The following RANGAP1 variants were observed in gnomAD, a reference collection of about 807,000 sequenced individuals.
The protein encoded by RANGAP1 is Ran GTPase activating protein 1.
Under a neutral mutation model 63.5 loss-of-function variants are expected in RANGAP1, and 38 were observed. The observed-to-expected ratio is 0.60, with a 90% CI of 0.46 to 0.78. The LOEUF (loss-of-function observed/expected upper bound fraction) is 0.78. Among genes scored for constraint, RANGAP1 ranks in the 30% least tolerant of loss-of-function variants. The pLI is 0.00. For missense variants in RANGAP1, 630 were observed against 740.3 expected, an observed-to-expected ratio of 0.85 and a Z score of 1.73; for synonymous variants, 329 against 310.5, an observed-to-expected ratio of 1.06 and a Z score of -0.63.
intron 3 of RANGAP1, among the ~76,000 whole-genome samples, chr22:41,268,664 G>A (rs2034622465): frequency 6.6e-6 from 1 of 152,200 alleles, no homozygotes; most frequent in Non-Finnish European, 1.5e-5. Flanking sequence ...GAGTTATTGG[G>A]GGCTCACAAG....
the RANGAP1 span, among the ~76,000 whole-genome samples, chr22:41,294,785 C>G: frequency 1.6e-5 from 2 of 128,326 alleles, no homozygotes; most frequent in Admixed American, 8.0e-5. Flanking sequence ...GCAGCCGCCC[C>G]GTCTGAGAAG....
Position 41,251,001 on chromosome 22 carries a change from C to T in RANGAP1, c.1483+6G>A. 1.9e-6 allele frequency: 3 copies of T among 1,613,478 alleles called. No individual in the cohort carries two copies. The highest frequency in any genetic ancestry group is 2.5e-6 in the Non-Finnish European group (3 of 1,179,468). ...GGGCACCCAGGTCTCACCCAGCCCACATTACCTACTGCATCCTGCACTGCC... is the reference window on the plus strand; with the variant it reads ...GGGCACCCAGGTCTCACCCAGCCCATATTACCTACTGCATCCTGCACTGCC... On this transcript the variant is annotated splice_donor_region_variant and intron_variant, in intron 13 of 15. Coordinates refer to ENST00000356244, the MANE Select transcript of RANGAP1 (RefSeq NM_002883.4).
rs536937229 is a variant in RANGAP1 at position 41,267,240 on chromosome 22, C to T, written c.300+857G>A. On this transcript the variant is annotated intron_variant, in intron 4 of 15. Coordinates refer to ENST00000356244, the MANE Select transcript of RANGAP1 (RefSeq NM_002883.4). ...GCCTCACAAGCCAGGTGCAGTGGCA[C>T]GCACCTGTAATCCCAGCTACTTGGG... 8.6e-4 allele frequency among the ~76,000 whole-genome samples: 131 copies of T among 152,216 alleles called. 1 individual carries two copies. In the Middle Eastern group the frequency reaches 0.014, roughly 16 times the overall value.
chr22:41,295,401 C>G, the RANGAP1 span, among the ~76,000 whole-genome samples: 1 of 152,140 alleles, frequency 6.6e-6, no homozygotes, highest in South Asian at 2.1e-4. Flanking sequence ...GACCTTACCC[C>G]CAACCCTGTG....
chr22:41,263,834 C>G (rs1388081748), intron 5 of RANGAP1, among the ~76,000 whole-genome samples: 1 of 152,280 alleles, frequency 6.6e-6, no homozygotes, highest in Non-Finnish European at 1.5e-5. Context: ...GGAGGCCACT[C>G]CAGCTCCTCA....
chr22:41,250,431 C>T (rs927047395), intron 13 of RANGAP1, among the ~76,000 whole-genome samples: 13 of 152,208 alleles, frequency 8.5e-5, no homozygotes, highest in African/African-American at 2.4e-4. Context: ...TCTGCCTAAC[C>T]GGAACTGGCT....
At chr22:41,301,145 T>C in the RANGAP1 span, among the ~76,000 whole-genome samples, 2 of 152,098 alleles carry the variant, frequency 1.3e-5, no homozygotes, top group Non-Finnish European at 2.9e-5. Context: ...GATTCTTCTA[T>C]GTGTCTCCGG....
rs1569169348 is a variant in RANGAP1 at position 41,249,503 on chromosome 22, GC to G, written c.1573-53del. The G allele has an allele frequency of 8.9e-6, 10 of 1,121,418 alleles. No homozygotes were observed. In the South Asian group the frequency reaches 1.1e-4, roughly 12 times the overall value. The allele number at this position is 1,121,418 out of a possible 1,614,324, so 69.5% of individuals were successfully genotyped here. On this transcript the variant is annotated intron_variant, in intron 14 of 15. Transcript: ENST00000356244. ...GTGAGCTTCAAAGTCACCTGGGGGG[GC>G]CCCTGGACTCCACCATCCAGACTCT...
At chr22:41,247,968 G>A (rs1468099707) in intron 15 of RANGAP1, among the ~76,000 whole-genome samples, 1 of 152,224 alleles carries the variant, frequency 6.6e-6, no homozygotes, top group Non-Finnish European at 1.5e-5. Context: ...TGACCAACAA[G>A]GGCAAGAGGC....
At chr22:41,285,765 A>T in intron 1 of RANGAP1, 1 of 899,834 alleles carries the variant, frequency 1.1e-6, no homozygotes, top group Non-Finnish European at 1.3e-6. Flanking sequence ...TGCTCTGGCG[A>T]GTCAGACGCC....
chr22:41,289,447 C>T (rs894086054), upstream of RANGAP1, among the ~76,000 whole-genome samples: 1 of 151,738 alleles, frequency 6.6e-6, no homozygotes, highest in Admixed American at 6.6e-5. Context: ...CATGGTGAAA[C>T]CCTGTCTCTA....
intron 5 of RANGAP1, among the ~76,000 whole-genome samples, chr22:41,263,160 A>G (rs2034270164): frequency 6.6e-6 from 1 of 152,060 alleles, no homozygotes. Context: ...TCACCCCATT[A>G]CAAGTATAGG....
At chr22:41,266,387 G>C (rs930210061) in intron 4 of RANGAP1, among the ~76,000 whole-genome samples, 7 of 152,092 alleles carry the variant, frequency 4.6e-5, no homozygotes, top group African/African-American at 1.7e-4. Flanking sequence ...CATTCCTACA[G>C]AGTCAAGTAA....
chr22:41,278,944 T>C (rs981691174), intron 2 of RANGAP1, among the ~76,000 whole-genome samples: 1 of 151,702 alleles, frequency 6.6e-6, no homozygotes, highest in Non-Finnish European at 1.5e-5. Flanking sequence ...CGAGACCATC[T>C]TGGCTAACTA....
At chr22:41,296,357 AC>A in the RANGAP1 span, among the ~76,000 whole-genome samples, 1 of 152,134 alleles carries the variant, frequency 6.6e-6, no homozygotes, top group Non-Finnish European at 1.5e-5. Flanking sequence ...AAACAAACAA[AC>A]AAACAAGGCT....
chr22:41,302,316 G>A, the RANGAP1 span, among the ~76,000 whole-genome samples: 29 of 151,846 alleles, frequency 1.9e-4, no homozygotes, highest in African/African-American at 6.8e-4. The surrounding 1 kb of genome is among the most constrained non-coding windows in gnomAD (Gnocchi z 5.7). Context: ...CCTTTCGGCT[G>A]CGGCGGCCAC....
intron 1 of RANGAP1, 121 bp downstream of exon 1, chr22:41,285,865 G>A: frequency 3.6e-6 from 1 of 279,234 alleles, no homozygotes; most frequent in Non-Finnish European, 5.4e-6. Flanking sequence ...CTCGGCCGTC[G>A]AAGGCTAAGT....
In RANGAP1 at chr22:41,246,197, C is replaced by T. The variant is rs773739578; in HGVS notation, c.*406G>A. 2.0e-5 allele frequency: 4 copies of T among 204,426 alleles called. No homozygotes were observed. The highest frequency in any genetic ancestry group is 8.1e-5 in the South Asian group (1 of 12,412). The allele number at this position is 204,426 out of a possible 1,614,324, so 12.7% of individuals were successfully genotyped here. On this transcript the variant is annotated 3_prime_UTR_variant, in exon 16 of 16. Transcript: ENST00000356244. ...CAACACAGAGGGGAAGGACAGCACG[C>T]GGGCAACTCCCTGGGTTCTGGCTCC... is the stretch of plus-strand genomic sequence containing the variant.
chr22:41,270,036 T>C (rs2034708566), intron 3 of RANGAP1, among the ~76,000 whole-genome samples: 1 of 151,894 alleles, frequency 6.6e-6, no homozygotes, highest in South Asian at 2.1e-4. Flanking sequence ...GGTTTCGCCA[T>C]ATTGGCCAAG....
Sources: gnomAD v4.1 joint callset for allele counts (sites outside exome capture counted in the v4.1 genomes callset) on GRCh38, gnomAD v4.1.1 for gene constraint, Gnocchi (gnomAD v3.1) non-coding constraint, MANE v1.5 for transcripts, NCBI Gene and HGNC (gene_info 2026-07-23, HGNC 2026-07-21) for gene names.